The following TRPC7 variants were observed in gnomAD, a reference collection of about 807,000 sequenced individuals.
TRPC7 encodes the protein short transient receptor potential channel 7.
A neutral mutation model predicts 90.1 loss-of-function variants in TRPC7; 42 were observed. The ratio of observed to expected loss-of-function variants is 0.47; its 90% CI spans 0.36 to 0.60. The LOEUF (loss-of-function observed/expected upper bound fraction) is 0.60. TRPC7 is among the 20% of genes least tolerant of loss of function. TRPC7 has a pLI of 0.00. For synonymous variants in TRPC7, 451 were observed against 436.3 expected, an observed-to-expected ratio of 1.03 and a Z score of -0.42; for missense variants, 955 against 1,112.3, an observed-to-expected ratio of 0.86 and a Z score of 2.01.
intron 2 of TRPC7, among the ~76,000 whole-genome samples, chr5:136,348,085 T>C (rs899223202): frequency 1.3e-5 from 2 of 152,256 alleles, no homozygotes; most frequent in African/African-American, 4.8e-5. Context: ...TCCATTCTTG[T>C]GCTCTCCAGT....
intron 3 of TRPC7, among the ~76,000 whole-genome samples, chr5:136,290,254 C>T (rs555501381): frequency 3.1e-4 from 47 of 152,300 alleles, no homozygotes; most frequent in African/African-American, 5.1e-4. Flanking sequence ...TCCAAAGGAA[C>T]GCAGCTCCTC....
At chr5:136,301,037 TC>T (rs200948248) in intron 3 of TRPC7, among the ~76,000 whole-genome samples, 4 of 152,198 alleles carry the variant, frequency 2.6e-5, no homozygotes, top group East Asian at 1.9e-4. Context: ...CAGGCATTTT[TC>T]TTTTTTCTGA....
intron 3 of TRPC7, among the ~76,000 whole-genome samples, chr5:136,291,398 T>C (rs866462718): frequency 8.5e-5 from 13 of 152,186 alleles, no homozygotes; most frequent in Admixed American, 2.0e-4. Flanking sequence ...AGAAAACCCA[T>C]CTCATGTGCA....
At chr5:136,281,910 T>G (rs10069968) in intron 3 of TRPC7, among the ~76,000 whole-genome samples, 18,433 of 152,240 alleles carry the variant, frequency 0.12, 1,167 homozygotes, top group African/African-American at 0.14. Flanking sequence ...ATGCATCAAA[T>G]TTTTAATCAA....
Position 136,228,620 on chromosome 5 carries a change from G to A in TRPC7, c.2041-2365C>T, listed in dbSNP as rs1474099778. 4.0e-5 allele frequency among the ~76,000 whole-genome samples: 6 copies of A among 150,782 alleles called. No individual in the cohort carries two copies. The East Asian group carries it at 9.9e-4, about 25-fold the overall frequency. ...GGAGAAGGCTGTGCTGCTTGCAGAGGCAGGGGGCTGGGGTGGGGGGAGTTG... is the reference window on the plus strand; with the variant it reads ...GGAGAAGGCTGTGCTGCTTGCAGAGACAGGGGGCTGGGGTGGGGGGAGTTG... On this transcript the variant is annotated intron_variant, in intron 8 of 11. Coordinates refer to ENST00000513104, the MANE Select transcript of TRPC7 (RefSeq NM_020389.3).
chr5:136,289,368 A>G (rs1239707298), intron 3 of TRPC7, among the ~76,000 whole-genome samples: 1 of 152,246 alleles, frequency 6.6e-6, no homozygotes, highest in Non-Finnish European at 1.5e-5. Flanking sequence ...GGGAAGTGCA[A>G]GGAGTCAGGG....
chr5:136,274,870 G>T (rs371266438), intron 3 of TRPC7, 33 bp from the exon 4 acceptor site: 7 of 1,545,738 alleles, frequency 4.5e-6, no homozygotes, highest in African/African-American at 1.4e-5. Context: ...AAAACAAAAC[G>T]CAAACAGGAA....
chr5:136,316,528 C>T (rs1759032020), intron 2 of TRPC7, among the ~76,000 whole-genome samples: 1 of 152,080 alleles, frequency 6.6e-6, no homozygotes, highest in Non-Finnish European at 1.5e-5. Flanking sequence ...CATTTTTAGC[C>T]CTTGACCTTG....
chr5:136,231,241 T>C, intron 8 of TRPC7, 113 bp downstream of exon 8: 1 of 982,246 alleles, frequency 1.0e-6, no homozygotes, highest in Non-Finnish European at 1.5e-6. Flanking sequence ...TCTTTGCTGT[T>C]CTGGCTGCAC....
At chr5:136,321,964 A>G (rs1759212244) in intron 2 of TRPC7, among the ~76,000 whole-genome samples, 1 of 152,122 alleles carries the variant, frequency 6.6e-6, no homozygotes, top group Non-Finnish European at 1.5e-5. Flanking sequence ...TGTTGTATCC[A>G]GTATTTGACA....
At chr5:136,321,968 T>C (rs1350988017) in intron 2 of TRPC7, among the ~76,000 whole-genome samples, 1 of 152,150 alleles carries the variant, frequency 6.6e-6, no homozygotes, top group Non-Finnish European at 1.5e-5. Context: ...GTATCCAGTA[T>C]TTGACATTTG....
At chr5:136,226,711 T>C (rs1755641919) in intron 8 of TRPC7, among the ~76,000 whole-genome samples, 1 of 152,204 alleles carries the variant, frequency 6.6e-6, no homozygotes, top group African/African-American at 2.4e-5. Context: ...ATGAGCCACA[T>C]AGGTAAGTTT....
Position 136,294,264 on chromosome 5 carries a change from G to A in TRPC7, c.964-19427C>T, listed in dbSNP as rs1358319299. Among the ~76,000 whole-genome samples, 3 of 152,100 alleles carry A rather than the reference G, an allele frequency of 2.0e-5. No homozygotes were observed. In the South Asian group the frequency reaches 6.2e-4, roughly 32 times the overall value. On this transcript the variant is annotated intron_variant, in intron 3 of 11. Coordinates refer to ENST00000513104, the MANE Select transcript of TRPC7 (RefSeq NM_020389.3). Reference sequence around the variant, plus strand: ...TTCATGTCTAAAACAAAAAGCAACGGCAACAAAAGCCAAAACTGACAAATA... The same window carrying A: ...TTCATGTCTAAAACAAAAAGCAACGACAACAAAAGCCAAAACTGACAAATA...
At chr5:136,301,747 C>T (rs1369985041) in intron 3 of TRPC7, among the ~76,000 whole-genome samples, 1 of 152,234 alleles carries the variant, frequency 6.6e-6, no homozygotes. Flanking sequence ...TCTTTTCGGA[C>T]TCAGCCTGCC....
At chr5:136,242,757 T>G (rs1580854048) in intron 7 of TRPC7, among the ~76,000 whole-genome samples, 1 of 152,174 alleles carries the variant, frequency 6.6e-6, no homozygotes, top group Non-Finnish European at 1.5e-5. Flanking sequence ...GGCTTGTTAA[T>G]GTTGATTTCT....
chr5:136,349,753 G>A (rs1178034140), intron 2 of TRPC7, among the ~76,000 whole-genome samples: 1 of 152,164 alleles, frequency 6.6e-6, no homozygotes, highest in African/African-American at 2.4e-5. Context: ...GCAAATGTTT[G>A]GGTGGAGAAA....
Position 136,316,526 on chromosome 5 carries a change from G to A in TRPC7, c.781-747C>T, listed in dbSNP as rs3777144. 1.8e-4 allele frequency among the ~76,000 whole-genome samples: 28 copies of A among 152,160 alleles called. 1 individual carries two copies. The East Asian group carries it at 5.4e-3, about 29-fold the overall frequency. On this transcript the variant is annotated intron_variant, in intron 2 of 11. Coordinates refer to ENST00000513104, the MANE Select transcript of TRPC7 (RefSeq NM_020389.3). Reference sequence around the variant, plus strand: ...CCTGCCTGTTGAATAAACATTTTTAGCCCTTGACCTTGTTGTTGTTGTTTC... The same window carrying A: ...CCTGCCTGTTGAATAAACATTTTTAACCCTTGACCTTGTTGTTGTTGTTTC...
At chr5:136,301,332 ATT>A (rs368799815) in intron 3 of TRPC7, among the ~76,000 whole-genome samples, 3,402 of 85,656 alleles carry the variant, frequency 0.04, 83 homozygotes, top group African/African-American at 0.079. Context: ...CAGCCCAGGC[ATT>A]TTTTTTTTTT....
At chr5:136,343,699 T>A (rs556207046) in intron 2 of TRPC7, among the ~76,000 whole-genome samples, 55 of 152,312 alleles carry the variant, frequency 3.6e-4, no homozygotes, top group African/African-American at 1.3e-3. Context: ...TGTTTTTCTC[T>A]TGTTAATCTG....
Sources: gnomAD v4.1 joint callset for allele counts (sites outside exome capture counted in the v4.1 genomes callset) on GRCh38, gnomAD v4.1.1 for gene constraint, MANE v1.5 for transcripts, NCBI Gene and HGNC (gene_info 2026-07-23, HGNC 2026-07-21) for gene names.